The following XRCC4 variants were observed in gnomAD, a reference collection of about 807,000 sequenced individuals.
The protein encoded by XRCC4 is X-ray repair cross complementing 4, also known as DNA repair protein XRCC4.
In XRCC4, 28 loss-of-function variants were observed where a neutral mutation model predicts 39.1. The observed-to-expected ratio is 0.72, with a 90% CI of 0.53 to 0.98. The LOEUF is 0.98. Ranked by LOEUF, XRCC4 falls within the 50% of genes least tolerant of loss-of-function variation. XRCC4 has a pLI of 0.00. For synonymous variants in XRCC4, 123 were observed against 126.4 expected, an observed-to-expected ratio of 0.97 and a Z score of 0.18; for missense variants, 350 against 376.4, an observed-to-expected ratio of 0.93 and a Z score of 0.58.
intron 3 of XRCC4, among the ~76,000 whole-genome samples, chr5:83,139,201 A>G (rs1561356182): frequency 6.6e-6 from 1 of 152,082 alleles, no homozygotes; most frequent in Non-Finnish European, 1.5e-5. Flanking sequence ...TTTGTTTTTC[A>G]TGACATTGAC....
chr5:83,271,069 G>C (rs866365858), intron 7 of XRCC4, among the ~76,000 whole-genome samples: 3 of 152,060 alleles, frequency 2.0e-5, no homozygotes, highest in South Asian at 4.1e-4. Flanking sequence ...TCTTTCACAG[G>C]CACCATGAAC....
intron 6 of XRCC4, among the ~76,000 whole-genome samples, chr5:83,222,358 AAAC>A (rs1218593266): frequency 6.6e-6 from 1 of 152,190 alleles, no homozygotes; most frequent in Non-Finnish European, 1.5e-5. Flanking sequence ...ACACTTTTTA[AAAC>A]AACACTTCAG....
chr5:83,121,302 A>G (rs192882177), intron 3 of XRCC4, among the ~76,000 whole-genome samples: 17 of 152,312 alleles, frequency 1.1e-4, no homozygotes, highest in Non-Finnish European at 1.8e-4. Context: ...ATATAGGAGT[A>G]GAATAGTTGG....
chr5:83,301,425 G>GT (rs1362364016), intron 7 of XRCC4, among the ~76,000 whole-genome samples: 3 of 152,078 alleles, frequency 2.0e-5, no homozygotes, highest in Non-Finnish European at 2.9e-5. Context: ...TGATGGGGTT[G>GT]TTTTTTTCTT....
At chr5:83,265,218 G>A (rs962891971) in intron 7 of XRCC4, among the ~76,000 whole-genome samples, 4 of 151,890 alleles carry the variant, frequency 2.6e-5, no homozygotes, top group Non-Finnish European at 4.4e-5. Flanking sequence ...TCCAATTTTT[G>A]TAGATTTTTG....
chr5:83,121,555 A>G (rs1747010193), intron 3 of XRCC4, among the ~76,000 whole-genome samples: 1 of 152,180 alleles, frequency 6.6e-6, no homozygotes, highest in African/African-American at 2.4e-5. Context: ...TATATCTTCT[A>G]TAGTGACATA....
At chr5:83,088,271 C>A (rs908577943) in intron 1 of XRCC4, among the ~76,000 whole-genome samples, 6 of 152,068 alleles carry the variant, frequency 3.9e-5, no homozygotes, top group African/African-American at 1.4e-4. Context: ...AAATAACTAA[C>A]AAGTTTAATT....
chr5:83,204,996 A>G (rs1302420605), intron 6 of XRCC4, 75 bp downstream of exon 6: 2 of 1,026,292 alleles, frequency 1.9e-6, no homozygotes, highest in Admixed American at 4.5e-5. Context: ...AAGAAACCAT[A>G]ATGGAAAAAT....
chr5:83,324,754 G>A (rs1756192491), intron 7 of XRCC4, among the ~76,000 whole-genome samples: 1 of 152,070 alleles, frequency 6.6e-6, no homozygotes, highest in African/African-American at 2.4e-5. Flanking sequence ...CTAAGACTCT[G>A]CTAAGATTGT....
chr5:83,282,767 G>A (rs536109821), intron 7 of XRCC4, among the ~76,000 whole-genome samples: 37 of 152,134 alleles, frequency 2.4e-4, no homozygotes, highest in South Asian at 1.5e-3. Context: ...GCACGAACCC[G>A]GAAGGTGGAG....
chr5:83,207,477 A>G (rs1165050985), intron 6 of XRCC4, among the ~76,000 whole-genome samples: 1 of 151,708 alleles, frequency 6.6e-6, no homozygotes, highest in African/African-American at 2.4e-5. Flanking sequence ...TTTATTTTTT[A>G]TTTTTGCATT....
chr5:83,189,637 TAGA>T (rs1422253867), intron 3 of XRCC4, among the ~76,000 whole-genome samples: 3 of 152,204 alleles, frequency 2.0e-5, no homozygotes, highest in African/African-American at 7.2e-5. Context: ...CTTATCTTTT[TAGA>T]AGGAGTCCTT....
chr5:83,270,828 C>T (rs915409845), intron 7 of XRCC4, among the ~76,000 whole-genome samples: 1 of 151,084 alleles, frequency 6.6e-6, no homozygotes, highest in African/African-American at 2.4e-5. Flanking sequence ...CTCTGTCACC[C>T]AGGCTGGAAT....
chr5:83,371,671 A>G, the XRCC4 span, among the ~76,000 whole-genome samples: 4 of 152,206 alleles, frequency 2.6e-5, no homozygotes, highest in African/African-American at 2.4e-5. Context: ...TGGCTGGTAC[A>G]TGAGTGTGTG....
At chr5:83,142,884 G>A (rs745324402) in intron 3 of XRCC4, among the ~76,000 whole-genome samples, 8 of 151,984 alleles carry the variant, frequency 5.3e-5, no homozygotes, top group African/African-American at 9.7e-5. Flanking sequence ...AATTTCCATC[G>A]GAGAAATTAT....
At chr5:83,236,654 C>T (rs1199545631) in intron 6 of XRCC4, among the ~76,000 whole-genome samples, 3 of 151,648 alleles carry the variant, frequency 2.0e-5, no homozygotes, top group African/African-American at 7.3e-5. Context: ...TTTGTCTGGG[C>T]AAAGATTATT....
At chr5:83,135,104 A>T (rs959460999) in intron 3 of XRCC4, among the ~76,000 whole-genome samples, 1 of 152,198 alleles carries the variant, frequency 6.6e-6, no homozygotes, top group African/African-American at 2.4e-5. Flanking sequence ...TCAATTCTGG[A>T]CACACAGGTA....
chr5:83,239,981 G>C (rs1237507216), intron 6 of XRCC4, among the ~76,000 whole-genome samples: 1 of 151,796 alleles, frequency 6.6e-6, no homozygotes, highest in Non-Finnish European at 1.5e-5. Flanking sequence ...AACATAGTGA[G>C]ACCCTGGCTC....
At chr5:83,080,547 A>G (rs907710712) in intron 1 of XRCC4, among the ~76,000 whole-genome samples, 6 of 151,950 alleles carry the variant, frequency 3.9e-5, no homozygotes, top group Non-Finnish European at 8.8e-5. Flanking sequence ...AAAAAATTCC[A>G]GAAATAATGC....
Sources: allele counts gnomAD v4.1 joint callset (sites outside exome capture counted in the v4.1 genomes callset), GRCh38; gene constraint gnomAD v4.1.1; transcripts MANE v1.5; gene names NCBI Gene and HGNC (gene_info 2026-07-23, HGNC 2026-07-21).